FOXJ3: variants seen among roughly 807,000 people sequenced by gnomAD.
FOXJ3 encodes forkhead box J3.
Under a neutral mutation model 76.1 loss-of-function variants are expected in FOXJ3, and 22 were observed. That is an observed-to-expected ratio of 0.29 (90% confidence interval 0.21 to 0.41). FOXJ3 has a LOEUF of 0.41. Among genes scored for constraint, FOXJ3 ranks in the 10% least tolerant of loss-of-function variants. The probability of loss-of-function intolerance (pLI) is 1.00; values close to 1 mark genes in which losing one functional copy is unlikely to be tolerated. For synonymous variants in FOXJ3, 269 were observed against 261.2 expected (o/e 1.03, Z -0.29); for missense variants, 613 against 762.1 (o/e 0.80, Z 2.30).
At chr1:42,193,760 TTC>T (rs1646596230) in intron 8 of FOXJ3, among the ~76,000 whole-genome samples, 1 of 152,110 alleles carries the variant, frequency 6.6e-6, no homozygotes, top group Non-Finnish European at 1.5e-5. Flanking sequence ...CATGGAAACT[TTC>T]TGAGTTGGGG....
chr1:42,329,012 G>A (rs574753357), intron 1 of FOXJ3, among the ~76,000 whole-genome samples: 38 of 152,176 alleles, frequency 2.5e-4, no homozygotes, highest in Admixed American at 1.6e-3. Flanking sequence ...GTTTGACACT[G>A]TATGAGTCTC....
chr1:42,228,012 T>C (rs1003200884), intron 4 of FOXJ3, 46 bp from the exon 5 acceptor site: 4 of 991,812 alleles, frequency 4.0e-6, no homozygotes, highest in Admixed American at 4.7e-5. Flanking sequence ...AGCAAACCTA[T>C]GATATTAAAA....
intron 1 of FOXJ3, among the ~76,000 whole-genome samples, chr1:42,324,933 A>G (rs550897149): frequency 1.3e-5 from 2 of 152,232 alleles, no homozygotes; most frequent in South Asian, 4.2e-4. Flanking sequence ...TTTTAATTAC[A>G]CTACAAGATT....
At chr1:42,266,907 T>C (rs1023653651) in intron 3 of FOXJ3, among the ~76,000 whole-genome samples, 19 of 152,170 alleles carry the variant, frequency 1.2e-4, no homozygotes, top group Admixed American at 7.2e-4. Context: ...TAGGAAGGGA[T>C]AGGAAACCCT....
intron 5 of FOXJ3, among the ~76,000 whole-genome samples, chr1:42,206,187 T>TGCACCAAAGGG (rs1220117523): frequency 1.2e-4 from 18 of 152,174 alleles, no homozygotes; most frequent in Non-Finnish European, 2.2e-4. Flanking sequence ...CAGTAATAGA[T>TGCACCAAAGGG]ATTTACAGTA....
At chr1:42,278,212 CTT>C (rs1169269057) in intron 3 of FOXJ3, 134 bp downstream of exon 3, 2 of 689,480 alleles carry the variant, frequency 2.9e-6, no homozygotes, top group African/African-American at 3.6e-5. Context: ...AAGCTAAAAA[CTT>C]TTTGACATCC....
intron 3 of FOXJ3, among the ~76,000 whole-genome samples, chr1:42,272,968 C>T (rs1468880306): frequency 9.2e-5 from 14 of 151,900 alleles, no homozygotes; most frequent in Admixed American, 8.5e-4. Flanking sequence ...CAAAACACAG[C>T]TCAAGTCCCA....
At chr1:42,290,950 T>A (rs1478688010) in intron 2 of FOXJ3, among the ~76,000 whole-genome samples, 1 of 152,132 alleles carries the variant, frequency 6.6e-6, no homozygotes, top group Non-Finnish European at 1.5e-5. Flanking sequence ...CAAGGTTTAC[T>A]GTAAAATTCC....
At chr1:42,280,438 T>TTAAAA (rs369323989) in intron 2 of FOXJ3, 1 of 76,886 alleles carries the variant, frequency 1.3e-5, no homozygotes, top group Non-Finnish European at 1.9e-5. Flanking sequence ...TCAGAGATCT[T>TTAAAA]AAAAAAAAAA....
intron 2 of FOXJ3, among the ~76,000 whole-genome samples, chr1:42,279,450 C>T (rs1652534429): frequency 1.3e-5 from 2 of 152,042 alleles, no homozygotes; most frequent in Admixed American, 1.3e-4. Context: ...AAATGGTCAG[C>T]AAGAAAAGAA....
At chr1:42,301,853 T>G (rs1278453801) in intron 2 of FOXJ3, among the ~76,000 whole-genome samples, 1 of 152,184 alleles carries the variant, frequency 6.6e-6, no homozygotes, top group Non-Finnish European at 1.5e-5. Context: ...GTTAGTGTGA[T>G]CCTTCTGGAG....
At chr1:42,296,149 G>A (rs576111922) in intron 2 of FOXJ3, among the ~76,000 whole-genome samples, 1 of 152,230 alleles carries the variant, frequency 6.6e-6, no homozygotes, top group East Asian at 1.9e-4. Flanking sequence ...ATTTCTTCAA[G>A]AAATGTCTCA....
chr1:42,227,894 A>G lies in FOXJ3; in HGVS notation c.517T>C (p.Ser173Pro). 6.4e-7 allele frequency: 1 copy of G among 1,571,484 alleles called. No homozygotes were observed. Among genetic ancestry groups the G allele is most frequent in the Non-Finnish European group, 8.7e-7 (1 of 1,149,088 alleles). Reference protein sequence around the residue: ...LPTRPKKRARSVERASTPYSI... With the variant: ...LPTRPKKRARPVERASTPYSI... ...TAAAGAGCCTTTACCCGTTCTACAG[A>G]TCGTGCCCTCTTCTTTGGCCGAGTA... The change falls in exon 5 of 13, where the codon TCT (serine) becomes CCT (proline). Residue 173 changes from serine to proline, a missense_variant. Coordinates refer to ENST00000361346, the MANE Select transcript of FOXJ3 (RefSeq NM_014947.5).
chr1:42,330,514 T>G (rs1260014358), intron 1 of FOXJ3, among the ~76,000 whole-genome samples: 1 of 152,098 alleles, frequency 6.6e-6, no homozygotes, highest in Non-Finnish European at 1.5e-5. Flanking sequence ...GGCGCGCACC[T>G]GTAGTCCCAG....
intron 2 of FOXJ3, among the ~76,000 whole-genome samples, chr1:42,298,093 C>G (rs574620827): frequency 6.6e-6 from 1 of 152,038 alleles, no homozygotes; most frequent in African/African-American, 2.4e-5. Flanking sequence ...TAAGTTCTCA[C>G]GAGATCTGAT....
intron 1 of FOXJ3, among the ~76,000 whole-genome samples, chr1:42,323,035 T>G (rs987263959): frequency 6.6e-6 from 1 of 152,148 alleles, no homozygotes; most frequent in Non-Finnish European, 1.5e-5. Flanking sequence ...GACAGAATCC[T>G]TGGAAGGAGG....
intron 4 of FOXJ3, among the ~76,000 whole-genome samples, chr1:42,253,086 CCTT>C (rs1391890754): frequency 3.3e-5 from 5 of 151,516 alleles, no homozygotes; most frequent in East Asian, 1.9e-4. Flanking sequence ...CCCAAAATCT[CCTT>C]AAGCTGATAA....
chr1:42,276,590 T>A (rs936719589), intron 3 of FOXJ3, among the ~76,000 whole-genome samples: 1 of 152,078 alleles, frequency 6.6e-6, no homozygotes, highest in Non-Finnish European at 1.5e-5. Context: ...GGAAAAAAAA[T>A]TGGTCTCATT....
chr1:42,245,917 A>C (rs1019995245), intron 4 of FOXJ3, among the ~76,000 whole-genome samples: 1 of 152,182 alleles, frequency 6.6e-6, no homozygotes, highest in Non-Finnish European at 1.5e-5. Context: ...AGAAAATCCT[A>C]AAGACTCCCC....
Sources: allele counts gnomAD v4.1 joint callset (sites outside exome capture counted in the v4.1 genomes callset), GRCh38; gene constraint gnomAD v4.1.1; transcripts MANE v1.5; gene names NCBI Gene and HGNC (gene_info 2026-07-23, HGNC 2026-07-21).